Variants in CLEC16A observed in about 807,000 individuals in gnomAD.
The protein encoded by CLEC16A is protein CLEC16A.
CLEC16A carries 51 observed loss-of-function variants against 109.5 expected under a neutral mutation model. The ratio of observed to expected loss-of-function variants is 0.47; its 90% CI spans 0.37 to 0.59. The LOEUF is 0.59. CLEC16A is among the 20% of genes least tolerant of loss of function. CLEC16A has a pLI of 0.00. For synonymous variants in CLEC16A, 673 were observed against 564.2 expected (o/e 1.19, Z -2.73); for missense variants, 1,339 against 1,394.0 (o/e 0.96, Z 0.63).
chr16:11,008,837 A>AAC (rs1567188747), intron 11 of CLEC16A, among the ~76,000 whole-genome samples: 1 of 150,324 alleles, frequency 6.7e-6, no homozygotes, highest in African/African-American at 2.4e-5. Context: ...AAAAAAAAAA[A>AAC]AAAAAAAAAA....
chr16:11,048,594 C>G (rs1031186928), intron 17 of CLEC16A: 8 of 152,212 alleles, frequency 5.3e-5, no homozygotes, highest in African/African-American at 1.9e-4. Context: ...TGGGCCCTCA[C>G]CACGTCCTTT....
chr16:10,957,661 T>G (rs1261698588), intron 1 of CLEC16A, 121 bp from the exon 2 acceptor site: 6 of 964,910 alleles, frequency 6.2e-6, no homozygotes, highest in African/African-American at 1.6e-5. Flanking sequence ...AATGGGAAAT[T>G]GCATTACCCA....
intron 10 of CLEC16A, among the ~76,000 whole-genome samples, chr16:10,990,084 G>A (rs748964781): frequency 2.6e-5 from 4 of 152,226 alleles, no homozygotes; most frequent in South Asian, 4.1e-4. Context: ...GCTTCTGGGA[G>A]AAGGTTGATT....
intron 19 of CLEC16A, among the ~76,000 whole-genome samples, chr16:11,105,475 C>A (rs1435685138): frequency 6.6e-6 from 1 of 152,204 alleles, no homozygotes; most frequent in African/African-American, 2.4e-5. Context: ...CCTCCATTCT[C>A]CCAAGAAGAG....
At chr16:11,007,312 CT>C (rs1298105561) in intron 11 of CLEC16A, among the ~76,000 whole-genome samples, 2 of 152,070 alleles carry the variant, frequency 1.3e-5, no homozygotes, top group Non-Finnish European at 2.9e-5. Flanking sequence ...CCCATCTTGC[CT>C]TTTTCTTTTT....
chr16:11,101,623 C>T (rs1189254882), intron 19 of CLEC16A, among the ~76,000 whole-genome samples: 2 of 152,200 alleles, frequency 1.3e-5, no homozygotes, highest in East Asian at 1.9e-4. Context: ...CTAGTGAGCA[C>T]ATACCGTGTG....
intron 19 of CLEC16A, among the ~76,000 whole-genome samples, chr16:11,063,696 C>T (rs947865096): frequency 2.0e-5 from 3 of 152,126 alleles, no homozygotes; most frequent in Non-Finnish European, 2.9e-5. Flanking sequence ...GCAGGTCTCT[C>T]GGCTGGGTGT....
chr16:11,159,593 G>C (rs2054647830), intron 22 of CLEC16A, among the ~76,000 whole-genome samples: 1 of 152,272 alleles, frequency 6.6e-6, no homozygotes, highest in Non-Finnish European at 1.5e-5. Flanking sequence ...TTATCTTTGA[G>C]GAATGAGGTT....
intron 22 of CLEC16A, among the ~76,000 whole-genome samples, chr16:11,127,506 G>A (rs985885377): frequency 1.3e-5 from 2 of 152,196 alleles, no homozygotes; most frequent in African/African-American, 4.8e-5. Context: ...TAGTCCCAAC[G>A]TGAACTCTAG....
chr16:11,010,973 G>C (rs1282489026), intron 11 of CLEC16A, among the ~76,000 whole-genome samples: 2 of 152,174 alleles, frequency 1.3e-5, no homozygotes, highest in Non-Finnish European at 2.9e-5. Flanking sequence ...ACACGGCATG[G>C]GTGATGTCAT....
intron 22 of CLEC16A, among the ~76,000 whole-genome samples, chr16:11,146,428 T>C (rs1379121519): frequency 6.7e-6 from 1 of 149,416 alleles, no homozygotes; most frequent in Admixed American, 6.7e-5. Flanking sequence ...TATTTGGATA[T>C]AGAGGGATGA....
At chr16:11,121,278 C>T (rs376120060) in intron 20 of CLEC16A, among the ~76,000 whole-genome samples, 10 of 152,334 alleles carry the variant, frequency 6.6e-5, no homozygotes, top group African/African-American at 1.9e-4. Flanking sequence ...ATACTTAACC[C>T]ATGCCGTGTC....
intron 16 of CLEC16A, 53 bp downstream of exon 16, chr16:11,044,125 A>G (rs2152860673): frequency 1.3e-6 from 2 of 1,493,008 alleles, no homozygotes; most frequent in Non-Finnish European, 1.8e-6. Flanking sequence ...GTAGAAACAG[A>G]AGTGTGGTGT....
In CLEC16A at chr16:10,982,961, T is replaced by TA. The variant is rs2043411586; in HGVS notation, c.1043dup (p.Thr349AspfsTer2). The TA allele has an allele frequency of 6.2e-7, 1 of 1,610,742 alleles. No individual in the cohort carries two copies. Among genetic ancestry groups the TA allele is most frequent in the Non-Finnish European group, 8.5e-7 (1 of 1,177,024 alleles). ...ATGGTGATCTGTCTGAGATGTACGC[T>TA]AAGACTGAACAGGATATTCAGAGAA... On this transcript the variant is annotated frameshift_variant, in exon 10 of 24. Coordinates refer to ENST00000409790, the MANE Select transcript of CLEC16A (RefSeq NM_015226.3). LOFTEE classifies it high-confidence loss of function.
At chr16:11,118,934 A>G (rs549165282) in intron 19 of CLEC16A, among the ~76,000 whole-genome samples, 15 of 152,306 alleles carry the variant, frequency 9.8e-5, no homozygotes, top group African/African-American at 3.6e-4. Context: ...TTCATTGAAG[A>G]TCACTTGACT....
intron 20 of CLEC16A, among the ~76,000 whole-genome samples, chr16:11,122,412 G>A (rs1178653162): frequency 6.6e-6 from 1 of 152,162 alleles, no homozygotes; most frequent in Non-Finnish European, 1.5e-5. Context: ...TTTAGTGTCA[G>A]GCAAGTGTTT....
chr16:11,034,585 C>A (rs2046920054), intron 13 of CLEC16A, among the ~76,000 whole-genome samples: 1 of 152,128 alleles, frequency 6.6e-6, no homozygotes, highest in African/African-American at 2.4e-5. Context: ...CCCTCCACCC[C>A]TGTCCACGGG....
intron 10 of CLEC16A, among the ~76,000 whole-genome samples, chr16:10,989,383 G>A (rs2043863164): frequency 6.6e-6 from 1 of 152,078 alleles, no homozygotes; most frequent in South Asian, 2.1e-4. Flanking sequence ...ACCATGCCCA[G>A]ATAACTTTTG....
At chr16:11,016,150 G>C (rs1597056453) in intron 11 of CLEC16A, among the ~76,000 whole-genome samples, 1 of 147,002 alleles carries the variant, frequency 6.8e-6, no homozygotes, top group East Asian at 2.1e-4. Flanking sequence ...TAAAAGATGA[G>C]AAGCGTTAAA....
Sources: gnomAD v4.1 joint callset for allele counts (sites outside exome capture counted in the v4.1 genomes callset) on GRCh38, gnomAD v4.1.1 for gene constraint, MANE v1.5 for transcripts, NCBI Gene and HGNC (gene_info 2026-07-23, HGNC 2026-07-21) for gene names.